The following TMCC3 variants were observed in gnomAD, a reference collection of about 807,000 sequenced individuals.
TMCC3 encodes transmembrane and coiled-coil domain protein 3.
A neutral mutation model predicts 40.2 loss-of-function variants in TMCC3; 28 were observed. The ratio of observed to expected loss-of-function variants is 0.70; its 90% CI spans 0.52 to 0.95. The LOEUF (loss-of-function observed/expected upper bound fraction) is 0.95, where lower values mean the gene tolerates loss of function less well. Among genes scored for constraint, TMCC3 ranks in the 40% least tolerant of loss-of-function variants. The pLI, the probability that TMCC3 is intolerant of heterozygous loss-of-function variation, is 0.00. For missense variants in TMCC3, 554 were observed against 615.2 expected (o/e 0.90, Z 1.05); for synonymous variants, 255 against 248.5 (o/e 1.03, Z -0.25).
At position 94,570,474 on chromosome 12, in the gene TMCC3, C is replaced by T. The variant is rs921096207; in HGVS notation, c.*961G>A. The T allele has an allele frequency of 6.6e-6, 1 of 152,320 alleles. No homozygotes were observed. The highest frequency in any genetic ancestry group is 1.9e-4 in the East Asian group (1 of 5,188). The allele number at this position is 152,320 out of a possible 1,614,324, so 9.4% of individuals were successfully genotyped here. A position where few individuals can be genotyped will look rare whatever the true frequency, so the allele number is the denominator to read the frequency against. Reference sequence around the variant, plus strand: ...ATCACAATCAAGATTTGCCAAAAAACAGCCAGGCATGGTGGCTTGTGCCTG... The same window carrying T: ...ATCACAATCAAGATTTGCCAAAAAATAGCCAGGCATGGTGGCTTGTGCCTG... On this transcript the variant is annotated 3_prime_UTR_variant, in exon 4 of 4. Transcript: ENST00000261226.
rs1361776611 is a variant in TMCC3 at position 94,578,525 on chromosome 12, C to T, written c.1000G>A (p.Glu334Lys). Residue 334 changes from glutamate to lysine, a missense_variant, in exon 3 of 4, where the codon GAG becomes AAG. Glu to Lys is a moderately conservative substitution (Grantham distance 56). Coordinates refer to ENST00000261226, the MANE Select transcript of TMCC3 (RefSeq NM_020698.4). The part of the protein sequence containing the change: ...QTLQEERYRY[E>K]RLEDQLHDLT... ...TCATGCAGCTGGTCCTCCAGTCGCTCATACCTTTAAAAGAGAGGAGCCGAT... is the reference window on the plus strand; with the variant it reads ...TCATGCAGCTGGTCCTCCAGTCGCTTATACCTTTAAAAGAGAGGAGCCGAT... 2.5e-6 allele frequency: 4 copies of T among 1,613,396 alleles called. No individual in the cohort carries two copies. Among genetic ancestry groups the T allele is most frequent in the Non-Finnish European group, 3.4e-6 (4 of 1,179,620 alleles).
intron 1 of TMCC3, among the ~76,000 whole-genome samples, chr12:94,634,474 G>A (rs1000006456): frequency 6.6e-6 from 1 of 151,798 alleles, no homozygotes; most frequent in Non-Finnish European, 1.5e-5. Context: ...TCCTTAAACA[G>A]CAACAAGTCT....
chr12:94,630,376 C>T (rs1263647747), intron 1 of TMCC3, among the ~76,000 whole-genome samples: 1 of 152,078 alleles, frequency 6.6e-6, no homozygotes, highest in East Asian at 1.9e-4. Context: ...TTTTATGAGG[C>T]CATCCTTGCA....
intron 1 of TMCC3, among the ~76,000 whole-genome samples, chr12:94,584,811 G>A (rs942233664): frequency 5.9e-5 from 9 of 151,982 alleles, no homozygotes; most frequent in African/African-American, 1.2e-4. Context: ...CTAGAAAACA[G>A]GATATATGAA....
chr12:94,593,687 G>T (rs1167348621), intron 1 of TMCC3, among the ~76,000 whole-genome samples: 1 of 152,010 alleles, frequency 6.6e-6, no homozygotes, highest in Non-Finnish European at 1.5e-5. Context: ...ACTTGATACT[G>T]TAATTAGAAA....
chr12:94,644,297 A>G (rs972922943), intron 1 of TMCC3: 7 of 798,652 alleles, frequency 8.8e-6, no homozygotes, highest in Non-Finnish European at 1.1e-5. Flanking sequence ...CACTGAAAAC[A>G]TGAAAACACA....
intron 1 of TMCC3, among the ~76,000 whole-genome samples, chr12:94,641,600 A>G (rs775653351): frequency 9.2e-5 from 14 of 152,180 alleles, no homozygotes; most frequent in Non-Finnish European, 2.1e-4. Flanking sequence ...TCTTTGGTCA[A>G]GGACTAGGTG....
chr12:94,571,802 G>C, intron 3 of TMCC3, 65 bp from the exon 4 acceptor site: 1 of 1,545,298 alleles, frequency 6.5e-7, no homozygotes, highest in South Asian at 1.2e-5. Flanking sequence ...GTGAGTGCTC[G>C]CTCAGCTGTA....
chr12:94,635,790 C>G (rs1374700342), intron 1 of TMCC3, among the ~76,000 whole-genome samples: 2 of 151,284 alleles, frequency 1.3e-5, no homozygotes, highest in African/African-American at 4.9e-5. Flanking sequence ...TCTCAGCCTT[C>G]CGAGTAGCTG....
intron 1 of TMCC3, among the ~76,000 whole-genome samples, chr12:94,601,640 C>T (rs1484685322): frequency 1.3e-5 from 2 of 151,452 alleles, no homozygotes; most frequent in African/African-American, 2.4e-5. Context: ...GCCTGGCCAA[C>T]CCTATCTCTA....
chr12:94,647,018 C>T (rs2069023404), intron 1 of TMCC3, among the ~76,000 whole-genome samples: 1 of 152,140 alleles, frequency 6.6e-6, no homozygotes, highest in East Asian at 1.9e-4. Context: ...CTAATTCACA[C>T]ATCATTAATA....
chr12:94,636,073 G>T (rs1009274731), intron 1 of TMCC3, among the ~76,000 whole-genome samples: 1 of 152,086 alleles, frequency 6.6e-6, no homozygotes, highest in Non-Finnish European at 1.5e-5. Flanking sequence ...TTCTGTGTTC[G>T]ACAGATTTAA....
chr12:94,623,846 C>T (rs893436344), intron 1 of TMCC3, among the ~76,000 whole-genome samples: 3 of 152,336 alleles, frequency 2.0e-5, no homozygotes, highest in Non-Finnish European at 4.4e-5. Context: ...GCAGTACCAT[C>T]GGCAAAGTAA....
At chr12:94,591,709 A>G (rs11837490) in intron 1 of TMCC3, among the ~76,000 whole-genome samples, 96,190 of 152,008 alleles carry the variant, frequency 0.63, 30,497 homozygotes, top group Admixed American at 0.66. Flanking sequence ...AGCATGAATC[A>G]CGCCACTGCA....
At chr12:94,592,383 T>C (rs1369229139) in intron 1 of TMCC3, among the ~76,000 whole-genome samples, 1 of 151,806 alleles carries the variant, frequency 6.6e-6, no homozygotes, top group African/African-American at 2.4e-5. Flanking sequence ...CTCACACTTG[T>C]AATCTAAGTA....
At chr12:94,592,585 AGTAAGCCAAGATTGCGCC>A (rs2068683720) in intron 1 of TMCC3, among the ~76,000 whole-genome samples, 2 of 14,096 alleles carry the variant, frequency 1.4e-4, no homozygotes, top group East Asian at 2.1e-3. Flanking sequence ...CAGAGGCTGC[AGTAAGCCAAGATTGCGCC>A]GCTGCAGTAA....
rs150439537 is a variant in TMCC3 at position 94,625,075 on chromosome 12, A to G, written c.78+25278T>C. On this transcript the variant is annotated intron_variant, in intron 1 of 3. Coordinates refer to ENST00000261226, the MANE Select transcript of TMCC3 (RefSeq NM_020698.4). ...GAGAATCGCTTGAATCCGGGAGGCC[A>G]AGGTTGCAGTGAGCCGAGATTGCAC... Among the ~76,000 whole-genome samples the G allele has an allele frequency of 4.6e-3, 692 of 149,684 alleles. 11 individuals are homozygous for G. Among genetic ancestry groups the G allele is most frequent in the African/African-American group, 0.016 (657 of 40,532 alleles).
At chr12:94,609,692 T>C (rs552407449) in intron 1 of TMCC3, 1 of 152,302 alleles carries the variant, frequency 6.6e-6, no homozygotes, top group African/African-American at 2.4e-5. Context: ...GGCACATCTA[T>C]GGTCTCCTAA....
Position 94,572,527 on chromosome 12 carries a change from T to C in TMCC3, c.1132-790A>G, listed in dbSNP as rs558468879. On this transcript the variant is annotated intron_variant, in intron 3 of 3. Coordinates refer to ENST00000261226, the MANE Select transcript of TMCC3 (RefSeq NM_020698.4). Reference sequence around the variant, plus strand: ...GGTTTTACCATGTTGGCCAGGCTGGTCTCAAACTCCTGACCTCAAGTGATC... The same window carrying C: ...GGTTTTACCATGTTGGCCAGGCTGGCCTCAAACTCCTGACCTCAAGTGATC... Among the ~76,000 whole-genome samples the C allele has an allele frequency of 2.7e-5, 4 of 150,462 alleles. No individual in the cohort carries two copies. In the South Asian group the frequency reaches 8.5e-4, roughly 32 times the overall value.
Sources: gnomAD v4.1 joint callset for allele counts (sites outside exome capture counted in the v4.1 genomes callset) on GRCh38, gnomAD v4.1.1 for gene constraint, MANE v1.5 for transcripts, NCBI Gene and HGNC (gene_info 2026-07-23, HGNC 2026-07-21) for gene names.